Variants in PRKN observed in about 807,000 individuals in gnomAD.
The protein encoded by PRKN is E3 ubiquitin-protein ligase parkin.
In PRKN, 56 loss-of-function variants were observed where a neutral mutation model predicts 59.5. The ratio of observed to expected loss-of-function variants is 0.94; its 90% CI spans 0.76 to 1.18. The LOEUF is 1.18. Ranked by LOEUF, PRKN falls within the 50% of genes most tolerant of loss-of-function variation. PRKN has a pLI of 0.00. For synonymous variants in PRKN, 250 were observed against 222.1 expected (o/e 1.13, Z -1.12); for missense variants, 657 against 596.4 (o/e 1.10, Z -1.06).
chr6:161,852,492 C>T (rs1583247961), intron 6 of PRKN, among the ~76,000 whole-genome samples: 1 of 152,112 alleles, frequency 6.6e-6, no homozygotes, highest in Non-Finnish European at 1.5e-5. Flanking sequence ...CACACACACA[C>T]AATCACAAAG....
chr6:162,301,187 C>G (rs1490846418), intron 2 of PRKN, among the ~76,000 whole-genome samples: 1 of 152,052 alleles, frequency 6.6e-6, no homozygotes, highest in African/African-American at 2.4e-5. Flanking sequence ...ATGATTTCTC[C>G]TTTGTGCATC....
intron 6 of PRKN, among the ~76,000 whole-genome samples, chr6:161,863,209 A>G (rs1427106568): frequency 6.6e-6 from 1 of 152,202 alleles, no homozygotes; most frequent in African/African-American, 2.4e-5. Context: ...CAGAAGAATA[A>G]CATAAAAGAT....
At chr6:161,743,213 CTTTT>C (rs768890758) in intron 7 of PRKN, among the ~76,000 whole-genome samples, 34 of 84,532 alleles carry the variant, frequency 4.0e-4, no homozygotes, top group Non-Finnish European at 6.8e-4. Flanking sequence ...TGGTTTCTAC[CTTTT>C]TTTTTTTTTT....
At chr6:162,626,606 G>T (rs1291456898) in intron 1 of PRKN, among the ~76,000 whole-genome samples, 1 of 152,102 alleles carries the variant, frequency 6.6e-6, no homozygotes, top group Non-Finnish European at 1.5e-5. Context: ...CTTGAGGTCA[G>T]GAGTTCAAAA....
In PRKN at chr6:161,678,721, T is replaced by C. The variant is rs77125310; in HGVS notation, c.871+107051A>G. Among the ~76,000 whole-genome samples the C allele has an allele frequency of 2.6e-5, 4 of 151,968 alleles. No individual in the cohort carries two copies. The East Asian group carries it at 5.8e-4, about 22-fold the overall frequency. On this transcript the variant is annotated intron_variant, in intron 7 of 11. Coordinates refer to ENST00000366898, the MANE Select transcript of PRKN (RefSeq NM_004562.3). ...CTGGGGTTACAGGTGTGCACCACCA[T>C]GCCTGGCTAATTTTTTTGTATTTTT...
At chr6:161,945,898 T>C (rs899551481) in intron 6 of PRKN, among the ~76,000 whole-genome samples, 6 of 152,206 alleles carry the variant, frequency 3.9e-5, no homozygotes, top group African/African-American at 1.4e-4. Context: ...TATTTTTATA[T>C]CTCCCACTGT....
At chr6:161,671,548 A>G (rs372759644) in intron 7 of PRKN, among the ~76,000 whole-genome samples, 10 of 152,324 alleles carry the variant, frequency 6.6e-5, no homozygotes, top group African/African-American at 2.4e-4. Context: ...ATTCCACAGT[A>G]TGACTGACGG....
At chr6:161,537,548 T>C (rs1697845342) in intron 9 of PRKN, among the ~76,000 whole-genome samples, 2 of 152,014 alleles carry the variant, frequency 1.3e-5, no homozygotes, top group Admixed American at 6.6e-5. Flanking sequence ...GCCTCCCAGG[T>C]TCACACCATT....
chr6:162,131,185 A>G (rs751974744), intron 4 of PRKN, among the ~76,000 whole-genome samples: 25 of 152,156 alleles, frequency 1.6e-4, no homozygotes, highest in Non-Finnish European at 2.8e-4. Flanking sequence ...CTGAGAATGC[A>G]TCAGATGCTA....
Position 162,235,973 on chromosome 6 carries a change from G to GAAAGA in PRKN, c.412+26547_412+26551dup, listed in dbSNP as rs1562602436. On this transcript the variant is annotated intron_variant, in intron 3 of 11. Coordinates refer to ENST00000366898, the MANE Select transcript of PRKN (RefSeq NM_004562.3). ...AGGAAGAAAGGAAGAAAGAAAGAAA[G>GAAAGA]AAAGAAAGAAAGAAAGAAAGAAAGA... 6.9e-3 allele frequency among the ~76,000 whole-genome samples: 666 copies of GAAAGA among 95,996 alleles called. 13 individuals are homozygous for GAAAGA. Among genetic ancestry groups the GAAAGA allele is most frequent in the African/African-American group, 0.028 (432 of 15,340 alleles). The allele number at this position is 95,996 out of a possible 152,430, so 63.0% of individuals were successfully genotyped here. A position where few individuals can be genotyped will look rare whatever the true frequency, so the allele number is the denominator to read the frequency against.
intron 5 of PRKN, among the ~76,000 whole-genome samples, chr6:161,985,491 C>T (rs566903403): frequency 7.2e-5 from 11 of 152,102 alleles, no homozygotes; most frequent in Admixed American, 3.9e-4. Flanking sequence ...TAATTATTTA[C>T]GAGAAACTGA....
intron 2 of PRKN, among the ~76,000 whole-genome samples, chr6:162,373,011 C>A (rs1785856135): frequency 6.6e-6 from 1 of 152,016 alleles, no homozygotes; most frequent in Non-Finnish European, 1.5e-5. Flanking sequence ...ATCAGGAGTA[C>A]TTTTTCAGGT....
intron 4 of PRKN, among the ~76,000 whole-genome samples, chr6:162,192,147 T>A (rs539703019): frequency 6.6e-6 from 1 of 152,206 alleles, no homozygotes; most frequent in African/African-American, 2.4e-5. Context: ...ATTTCTCTTA[T>A]AAATATTTTA....
chr6:162,619,736 C>T (rs967817806), intron 1 of PRKN, among the ~76,000 whole-genome samples: 3 of 149,832 alleles, frequency 2.0e-5, no homozygotes, highest in African/African-American at 4.9e-5. Context: ...ACACACACTA[C>T]CGCAGATAGG....
Position 161,549,352 on chromosome 6 carries a change from A to G in PRKN, c.934-349T>C, listed in dbSNP as rs1417933899. Among the ~76,000 whole-genome samples, 1 of 152,208 alleles carries G rather than the reference A, an allele frequency of 6.6e-6. No individual in the cohort carries two copies. The highest frequency in any genetic ancestry group is 2.4e-5 in the African/African-American group (1 of 41,454). On this transcript the variant is annotated intron_variant, in intron 8 of 11. Coordinates refer to ENST00000366898, the MANE Select transcript of PRKN (RefSeq NM_004562.3). This position sits in a 1 kb window ranked among gnomAD's most constrained non-coding sequence, Gnocchi z 6.0. Reference sequence around the variant, plus strand: ...ATCTTATTTCATATACATTTTGAGGAACATATTTATGTATTAAATGATGAA... The same window carrying G: ...ATCTTATTTCATATACATTTTGAGGGACATATTTATGTATTAAATGATGAA...
Position 161,560,062 on chromosome 6 carries a change from C to G in PRKN, c.933+9293G>C, listed in dbSNP as rs2115456962. 6.6e-6 allele frequency among the ~76,000 whole-genome samples: 1 copy of G among 152,276 alleles called. No individual in the cohort carries two copies. Among genetic ancestry groups the G allele is most frequent in the East Asian group, 1.9e-4 (1 of 5,180 alleles). ...GCCCCACATCATTGCTTCAGAGGCTCAAGCTGCCTGTCATTCTTATCACCC... is the reference window on the plus strand; with the variant it reads ...GCCCCACATCATTGCTTCAGAGGCTGAAGCTGCCTGTCATTCTTATCACCC... On this transcript the variant is annotated intron_variant, in intron 8 of 11. Transcript: ENST00000366898. This position sits in a 1 kb window ranked among gnomAD's most constrained non-coding sequence, Gnocchi z 4.9.
At chr6:162,048,722 T>TAAA (rs58981275) in intron 5 of PRKN, among the ~76,000 whole-genome samples, 31 of 141,546 alleles carry the variant, frequency 2.2e-4, no homozygotes, top group East Asian at 1.9e-3. Context: ...GCTGATGAAC[T>TAAA]AAAAAAAAAA....
intron 6 of PRKN, among the ~76,000 whole-genome samples, chr6:161,875,137 A>AATAT (rs1011533355): frequency 7.4e-6 from 1 of 134,430 alleles, no homozygotes; most frequent in South Asian, 2.2e-4. Flanking sequence ...TATTATATAT[A>AATAT]ATATATATAA....
intron 1 of PRKN, among the ~76,000 whole-genome samples, chr6:162,503,656 C>T (rs537441156): frequency 6.6e-6 from 1 of 152,232 alleles, no homozygotes; most frequent in South Asian, 2.1e-4. Context: ...AGCCTTTTAA[C>T]CTTTGGTCAA....
Sources: allele counts gnomAD v4.1 joint callset (sites outside exome capture counted in the v4.1 genomes callset), GRCh38; gene constraint gnomAD v4.1.1; non-coding constraint Gnocchi (gnomAD v3.1); transcripts MANE v1.5; gene names NCBI Gene and HGNC (gene_info 2026-07-23, HGNC 2026-07-21).